The following MSX1 variants were observed in gnomAD, a reference collection of about 807,000 sequenced individuals.
The protein encoded by MSX1 is homeobox protein MSX-1.
A neutral mutation model predicts 17.0 loss-of-function variants in MSX1; 11 were observed. The observed-to-expected ratio is 0.65, with a 90% confidence interval of 0.41 to 1.07. MSX1 has a LOEUF of 1.07. Among genes scored for constraint, MSX1 ranks in the 50% least tolerant of loss-of-function variants. The pLI is 0.00. For synonymous variants in MSX1, 253 were observed against 211.8 expected (o/e 1.19, Z -1.69); for missense variants, 477 against 440.1 (o/e 1.08, Z -0.75).
chr4:4,861,062 C>T (rs1380774295), intron 1 of MSX1, among the ~76,000 whole-genome samples: 1 of 152,260 alleles, frequency 6.6e-6, no homozygotes, highest in Admixed American at 6.5e-5. Flanking sequence ...GCCTCACGGC[C>T]CCCTGGCTGC....
Position 4,863,683 on chromosome 4 carries a change from C to CT in MSX1, c.*541dup, listed in dbSNP as rs1180621550. 3.4e-5 allele frequency: 5 copies of CT among 145,852 alleles called. No homozygotes were observed. The highest frequency in any genetic ancestry group is 6.0e-5 in the Non-Finnish European group (4 of 67,032). 9.0% of individuals were successfully genotyped at this position (145,852 alleles called of 1,614,324 possible). A position where few individuals can be genotyped will look rare whatever the true frequency, so the allele number is the denominator to read the frequency against. On this transcript the variant is annotated 3_prime_UTR_variant, in exon 2 of 2. Coordinates refer to ENST00000382723, the MANE Select transcript of MSX1 (RefSeq NM_002448.3). ...CAAGTTCAACAACAAAACATTTGCT[C>CT]TGGGGGGCAGGGAAAACACAGATGT...
intron 1 of MSX1, among the ~76,000 whole-genome samples, chr4:4,860,852 C>T (rs1402558409): frequency 6.6e-6 from 1 of 152,222 alleles, no homozygotes; most frequent in Non-Finnish European, 1.5e-5. Flanking sequence ...CCTCCCCATG[C>T]CCTTTGAGTT....
chr4:4,861,918 C>T (rs1317384070), intron 1 of MSX1, among the ~76,000 whole-genome samples: 1 of 149,246 alleles, frequency 6.7e-6, no homozygotes, highest in South Asian at 2.2e-4. Flanking sequence ...CACACACACA[C>T]ACAAACGTTT....
intron 1 of MSX1, 121 bp downstream of exon 1, chr4:4,860,489 C>T: frequency 2.3e-6 from 3 of 1,286,352 alleles, no homozygotes; most frequent in Non-Finnish European, 3.2e-6. Context: ...GCTAGGGAGC[C>T]GTGGGCTGCA....
chr4:4,859,862 T>C lies in MSX1; in HGVS notation c.-38T>C. The C allele has an allele frequency of 7.0e-7, 1 of 1,435,774 alleles. No homozygotes were observed. Among genetic ancestry groups the C allele is most frequent in the Non-Finnish European group, 9.2e-7 (1 of 1,091,476 alleles). 88.9% of individuals were successfully genotyped at this position (1,435,774 alleles called of 1,614,324 possible). ...CCGCCCGGAGCCCATGCCCGGCGGC[T>C]GGCCAGTGCTGCGGCAGAAGGGGGG... On this transcript the variant is annotated 5_prime_UTR_variant, in exon 1 of 2. Transcript: ENST00000382723.
Position 4,863,354 on chromosome 4 carries a change from T to G in MSX1, c.*211T>G. 2.7e-6 allele frequency: 1 copy of G among 374,028 alleles called. No homozygotes were observed. The allele number at this position is 374,028 out of a possible 1,614,324, so 23.2% of individuals were successfully genotyped here. A position where few individuals can be genotyped will look rare whatever the true frequency, so the allele number is the denominator to read the frequency against. On this transcript the variant is annotated 3_prime_UTR_variant, in exon 2 of 2. Coordinates refer to ENST00000382723, the MANE Select transcript of MSX1 (RefSeq NM_002448.3). ...GAGTCCCTTAGTACTCTTCTAGCAT[T>G]TAGATCTACACTCTCGAGTTAAAGA...
At position 4,863,824 on chromosome 4, in the gene MSX1, C is replaced by T. The variant is rs1208390564; in HGVS notation, c.*681C>T. On this transcript the variant is annotated 3_prime_UTR_variant, in exon 2 of 2. Coordinates refer to ENST00000382723, the MANE Select transcript of MSX1 (RefSeq NM_002448.3). The stretch of plus-strand genomic sequence containing the variant: ...ACAGTACATTTGTGTGGCTCTCAAA[C>T]ATCCCTTTGGAAGGGATTGTGTGTA... The T allele has an allele frequency of 6.7e-6, 1 of 150,310 alleles. No individual in the cohort carries two copies. Among genetic ancestry groups the T allele is most frequent in the African/African-American group, 2.5e-5 (1 of 40,710 alleles). The allele number at this position is 150,310 out of a possible 1,614,324, so 9.3% of individuals were successfully genotyped here. A position where few individuals can be genotyped will look rare whatever the true frequency, so the allele number is the denominator to read the frequency against.
chr4:4,861,049 A>G (rs879858497), intron 1 of MSX1, among the ~76,000 whole-genome samples: 19 of 152,264 alleles, frequency 1.2e-4, no homozygotes, highest in Non-Finnish European at 1.8e-4. Flanking sequence ...GGTTCGCTCC[A>G]AGGCCTCACG....
intron 1 of MSX1, 62 bp from the exon 2 acceptor site, chr4:4,862,639 G>A (rs1165120145): frequency 2.5e-6 from 4 of 1,579,488 alleles, no homozygotes; most frequent in Non-Finnish European, 3.5e-6. Context: ...CTACTTCTTG[G>A]GCTGATCATG....
At position 4,862,945 on chromosome 4, in the gene MSX1, G is replaced by T. The variant is rs778319257; in HGVS notation, c.714G>T (p.Leu238=). Residue 238 remains leucine (L), a synonymous_variant, in exon 2 of 2, where the codon CTG becomes CTT. Coordinates refer to ENST00000382723, the MANE Select transcript of MSX1 (RefSeq NM_002448.3). The part of the protein sequence containing the change: ...KRLQEAELEK[L]KMAAKPMLPP... ...TACAAGAGGCAGAGCTGGAGAAGCT[G>T]AAGATGGCCGCCAAGCCCATGCTGC... 1 of 1,613,272 alleles carries T rather than the reference G, an allele frequency of 6.2e-7. No homozygotes were observed. Among genetic ancestry groups the T allele is most frequent in the Non-Finnish European group, 8.5e-7 (1 of 1,180,006 alleles).
chr4:4,862,414 C>T (rs373341677), intron 1 of MSX1: 2 of 621,296 alleles, frequency 3.2e-6, no homozygotes, highest in East Asian at 3.1e-5. Flanking sequence ...CACATCTTCC[C>T]AGCTGTTTAG....
chr4:4,860,390 G>T (rs1406430378), intron 1 of MSX1, 22 bp downstream of exon 1: 1 of 1,587,696 alleles, frequency 6.3e-7, no homozygotes. Flanking sequence ...GAACCCAGGC[G>T]CAGAGGGAGG....
At position 4,863,585 on chromosome 4, in the gene MSX1, A is replaced by AAAAAAAAAAAG. The variant is rs1737980399; in HGVS notation, c.*445_*446insAAAAAAAGAAA. ...AAAAAAAAAAAAAAAAAAAAAAAAA[A>AAAAAAAAAAAG]AAAGAAAAGAGAAAAAAAAGACTAG... On this transcript the variant is annotated 3_prime_UTR_variant, in exon 2 of 2. Coordinates refer to ENST00000382723, the MANE Select transcript of MSX1 (RefSeq NM_002448.3). 1 of 128,940 alleles carries AAAAAAAAAAAG rather than the reference A, an allele frequency of 7.8e-6. No individual in the cohort carries two copies. Among genetic ancestry groups the AAAAAAAAAAAG allele is most frequent in the Non-Finnish European group, 1.7e-5 (1 of 60,244 alleles). 8.0% of individuals were successfully genotyped at this position (128,940 alleles called of 1,614,324 possible).
intron 1 of MSX1, among the ~76,000 whole-genome samples, 157 bp downstream of exon 1, chr4:4,860,525 C>T (rs1479717035): frequency 6.6e-6 from 1 of 152,206 alleles, no homozygotes; most frequent in Non-Finnish European, 1.5e-5. Context: ...CCTCCCTCCA[C>T]TCCCACCCAG....
At chr4:4,861,705 A>G (rs188406751) in intron 1 of MSX1, among the ~76,000 whole-genome samples, 1 of 152,202 alleles carries the variant, frequency 6.6e-6, no homozygotes, top group African/African-American at 2.4e-5. Context: ...TCCACATTTT[A>G]TCCGGGGGCA....
Position 4,863,576 on chromosome 4 carries a change from A to AAAAAAAAAAAAAAAAAAAAAG in MSX1, c.*445_*446insAAAAAAAAGAAAAAAAAAAAA. 1 of 145,598 alleles carries AAAAAAAAAAAAAAAAAAAAAG rather than the reference A, an allele frequency of 6.9e-6. No homozygotes were observed. The highest frequency in any genetic ancestry group is 1.5e-5 in the Non-Finnish European group (1 of 68,064). 9.0% of individuals were successfully genotyped at this position (145,598 alleles called of 1,614,324 possible). Reference sequence around the variant, plus strand: ...TCAAAAAAAAAAAAAAAAAAAAAAAAAAAAAAAAAAAAGAAAAGAGAAAAA... The same window carrying AAAAAAAAAAAAAAAAAAAAAG: ...TCAAAAAAAAAAAAAAAAAAAAAAAAAAAAAAAAAAAAAAAAAAAAGAAAAAAAAAAAAGAAAAGAGAAAAA... On this transcript the variant is annotated 3_prime_UTR_variant, in exon 2 of 2. Transcript: ENST00000382723.
At position 4,863,738 on chromosome 4, in the gene MSX1, T is replaced by G. The variant is rs1406544926; in HGVS notation, c.*595T>G. The G allele has an allele frequency of 6.7e-6, 1 of 149,936 alleles. No individual in the cohort carries two copies. The highest frequency in any genetic ancestry group is 2.5e-5 in the African/African-American group (1 of 40,434). The allele number at this position is 149,936 out of a possible 1,614,324, so 9.3% of individuals were successfully genotyped here. A position where few individuals can be genotyped will look rare whatever the true frequency, so the allele number is the denominator to read the frequency against. On this transcript the variant is annotated 3_prime_UTR_variant, in exon 2 of 2. Coordinates refer to ENST00000382723, the MANE Select transcript of MSX1 (RefSeq NM_002448.3). The stretch of plus-strand genomic sequence containing the variant: ...CAAAGGTAGGTTGAAGGGACCTCTC[T>G]CTTACCAGTACCAGAAACACAATTG...
chr4:4,860,136 C>T lies in MSX1; in HGVS notation c.237C>T (p.Ala79=). The change falls in exon 1 of 2, where the codon GCC becomes GCT. Residue 79 remains alanine, a synonymous_variant. Transcript: ENST00000382723. ...GGAAGCCGGGGGCCAAGGAGAGCGC[C>T]CTGGCGCCCTCCGAGGGCGTGCAGG... ...DHRKPGAKES[A]LAPSEGVQAA... is the part of the protein sequence containing the mutation. 1 of 1,513,076 alleles carries T rather than the reference C, an allele frequency of 6.6e-7. No homozygotes were observed. Among genetic ancestry groups the T allele is most frequent in the Non-Finnish European group, 8.8e-7 (1 of 1,136,238 alleles). The allele number at this position is 1,513,076 out of a possible 1,614,324, so 93.7% of individuals were successfully genotyped here. A position where few individuals can be genotyped will look rare whatever the true frequency, so the allele number is the denominator to read the frequency against.
rs1353815438 is a variant in MSX1 at position 4,863,728 on chromosome 4, G to A, written c.*585G>A. The A allele has an allele frequency of 6.6e-6, 1 of 150,986 alleles. No homozygotes were observed. Among genetic ancestry groups the A allele is most frequent in the Non-Finnish European group, 1.5e-5 (1 of 67,794 alleles). 9.4% of individuals were successfully genotyped at this position (150,986 alleles called of 1,614,324 possible). On this transcript the variant is annotated 3_prime_UTR_variant, in exon 2 of 2. Transcript: ENST00000382723. Reference sequence around the variant, plus strand: ...AGATGTGTTGCAAAGGTAGGTTGAAGGGACCTCTCTCTTACCAGTACCAGA... The same window carrying A: ...AGATGTGTTGCAAAGGTAGGTTGAAAGGACCTCTCTCTTACCAGTACCAGA...
Sources: allele counts gnomAD v4.1 joint callset (sites outside exome capture counted in the v4.1 genomes callset), GRCh38; gene constraint gnomAD v4.1.1; transcripts MANE v1.5; gene names NCBI Gene and HGNC (gene_info 2026-07-23, HGNC 2026-07-21).